The following DSP variants were observed in gnomAD, a reference collection of about 807,000 sequenced individuals.
The protein encoded by DSP is desmoplakin.
Under a neutral mutation model 290.6 loss-of-function variants are expected in DSP, and 114 were observed. That is an observed-to-expected ratio of 0.39 (90% CI 0.34 to 0.46). The LOEUF (loss-of-function observed/expected upper bound fraction) is 0.46. DSP is among the 20% of genes least tolerant of loss of function. The probability of loss-of-function intolerance (pLI) is 0.99; values close to 1 mark genes in which losing one functional copy is unlikely to be tolerated. For synonymous variants in DSP, 1,311 were observed against 1,316.4 expected, an observed-to-expected ratio of 1.00 and a Z score of 0.09; for missense variants, 3,230 against 3,495.8, an observed-to-expected ratio of 0.92 and a Z score of 1.92.
rs1759652776 is a variant in DSP, at chr6:7,585,809, C to T, written c.8547C>T (p.Ser2849=). The part of the protein sequence containing the change: ...SGSRSGSRRG[S]FDATGNSSYS... ...CCCGCAGTGGGTCCCGGAGAGGAAG[C>T]TTTGACGCCACAGGGAATTCTTCCT... is the stretch of plus-strand genomic sequence containing the variant. The change falls in exon 24 of 24, where the codon AGC becomes AGT. Residue 2849 remains serine, a synonymous_variant. Transcript: ENST00000379802. 3 of 1,611,098 alleles carry T rather than the reference C, an allele frequency of 1.9e-6. No homozygotes were observed. The highest frequency in any genetic ancestry group is 2.2e-5 in the East Asian group (1 of 44,886).
chr6:7,583,804 T>C lies in DSP; in HGVS notation c.6542T>C (p.Val2181Ala), dbSNP rs730880088. ...NFVDPVTKKK[V>A]SYVQLKERCR... The stretch of plus-strand genomic sequence containing the variant: ...GTGGATCCAGTCACCAAAAAGAAGG[T>C]CAGTTACGTGCAGCTGAAGGAACGG... The change falls in exon 24 of 24, where the codon GTC becomes GCC. Residue 2181 changes from valine (V) to alanine (A), a missense_variant. By Grantham distance (64) the Val-to-Ala change is moderately conservative. Transcript: ENST00000379802. The surrounding 1 kb of genome is among the most constrained non-coding windows in gnomAD (Gnocchi z 4.0). 15 of 1,613,714 alleles carry C rather than the reference T, an allele frequency of 9.3e-6. No homozygotes were observed. The highest frequency in any genetic ancestry group is 1.7e-5 in the Admixed American group (1 of 59,976).
At position 7,585,899 on chromosome 6, in the gene DSP, C is replaced by G. The variant is rs750563075; in HGVS notation, c.*21C>G. The G allele has an allele frequency of 2.5e-6, 4 of 1,607,248 alleles. No individual in the cohort carries two copies. In the South Asian group the frequency reaches 3.3e-5, roughly 13 times the overall value. ...ACTAGTAGTCAGTTGGGAGTGGTTGCTATACCTTGACTTCATTTATATGAA... is the reference window on the plus strand; with the variant it reads ...ACTAGTAGTCAGTTGGGAGTGGTTGGTATACCTTGACTTCATTTATATGAA... On this transcript the variant is annotated 3_prime_UTR_variant, in exon 24 of 24. Transcript: ENST00000379802.
At position 7,565,092 on chromosome 6, in the gene DSP, C is replaced by T. The variant is rs946073743; in HGVS notation, c.778-267C>T. On this transcript the variant is annotated intron_variant, in intron 6 of 23. Coordinates refer to ENST00000379802, the MANE Select transcript of DSP (RefSeq NM_004415.4). The surrounding 1 kb of genome is among the most constrained non-coding windows in gnomAD (Gnocchi z 4.2). ...CCGGGAGGGGGAGGTTGCAGTGAAC[C>T]GAGATCGCTCATGCCACTGCACTCC... Among the ~76,000 whole-genome samples, 1 of 151,944 alleles carries T rather than the reference C, an allele frequency of 6.6e-6. No homozygotes were observed. Among genetic ancestry groups the T allele is most frequent in the Non-Finnish European group, 1.5e-5 (1 of 67,980 alleles).
chr6:7,558,980 C>G (rs751080786), intron 3 of DSP, among the ~76,000 whole-genome samples: 16 of 152,098 alleles, frequency 1.1e-4, no homozygotes, highest in Admixed American at 1.0e-3. Flanking sequence ...GAAAGTTGCT[C>G]CCAGGTTAGG....
At chr6:7,561,243 C>T (rs1223889134) in intron 4 of DSP, among the ~76,000 whole-genome samples, 1 of 152,184 alleles carries the variant, frequency 6.6e-6, no homozygotes, top group Non-Finnish European at 1.5e-5. Context: ...TGAGCCACCA[C>T]GCCCAGCCAG....
intron 17 of DSP, 114 bp downstream of exon 17, chr6:7,574,909 G>T (rs1759188458): frequency 7.0e-7 from 1 of 1,418,834 alleles, no homozygotes; most frequent in Admixed American, 1.7e-5. Context: ...TTGGGTTTCA[G>T]TGGCCACACA....
At chr6:7,566,249 A>C (rs1398686777) in intron 7 of DSP, 128 bp from the exon 8 acceptor site, 2 of 773,760 alleles carry the variant, frequency 2.6e-6, no homozygotes, top group Non-Finnish European at 4.5e-6. Context: ...TGAGGAAAAC[A>C]GCGTGATTCT....
intron 1 of DSP, among the ~76,000 whole-genome samples, chr6:7,547,750 A>G (rs1228122618): frequency 6.6e-6 from 1 of 151,936 alleles, no homozygotes; most frequent in Non-Finnish European, 1.5e-5. Context: ...GAATTTTCTT[A>G]CCCTCAATAA....
rs374964667 is a variant in DSP, at chr6:7,576,932, T to C, written c.2794-27T>C. 16 of 1,584,160 alleles carry C rather than the reference T, an allele frequency of 1.0e-5. No homozygotes were observed. In the African/African-American group the frequency reaches 2.0e-4, roughly 20 times the overall value. On this transcript the variant is annotated intron_variant, in intron 19 of 23. Transcript: ENST00000379802. ...TTAAAAATATTTGTATGCATTAACATTGGTAAATATTTCACTTTTTGTATA... is the reference window on the plus strand; with the variant it reads ...TTAAAAATATTTGTATGCATTAACACTGGTAAATATTTCACTTTTTGTATA...
chr6:7,550,402 T>A (rs1373481688), intron 1 of DSP, among the ~76,000 whole-genome samples: 1 of 152,192 alleles, frequency 6.6e-6, no homozygotes, highest in East Asian at 1.9e-4. Context: ...CATGTAAAGC[T>A]AATGCCTTAG....
In DSP at chr6:7,583,488, G is replaced by A; in HGVS notation, c.6226G>A (p.Asp2076Asn). The A allele has an allele frequency of 6.2e-7, 1 of 1,614,140 alleles. No homozygotes were observed. Among genetic ancestry groups the A allele is most frequent in the Admixed American group, 1.7e-5 (1 of 60,026 alleles). ...GACTGTCGACAGTGCCATAGCTCGG[G>A]ACCTCATTGACTTCGATGACCGTCA... ...KLTVDSAIAR[D>N]LIDFDDRQQI... The change falls in exon 24 of 24, where the codon GAC (aspartate) becomes AAC (asparagine). Residue 2076 changes from aspartate (D) to asparagine (N), a missense_variant. Asp to Asn is a conservative substitution (Grantham distance 23). Around this residue, in one of 5 missense-constraint regions of DSP, gnomAD observed 1,714 missense variants for 1,844.5 expected, o/e 0.93. Transcript: ENST00000379802. This position sits in a 1 kb window ranked among gnomAD's most constrained non-coding sequence, Gnocchi z 4.0.
intron 2 of DSP, among the ~76,000 whole-genome samples, chr6:7,556,441 T>G (rs571732265): frequency 2.7e-4 from 41 of 152,202 alleles, no homozygotes; most frequent in Non-Finnish European, 4.6e-4. Context: ...CATTCACCTT[T>G]GCTCCGAGTT....
chr6:7,573,692 T>A (rs955712435), intron 15 of DSP, among the ~76,000 whole-genome samples: 3 of 152,100 alleles, frequency 2.0e-5, no homozygotes, highest in African/African-American at 4.8e-5. Context: ...ATTTCACTTA[T>A]GTGTAAATTC....
chr6:7,583,797 AAG>A lies in DSP; in HGVS notation c.6537_6538del (p.Lys2180GlyfsTer41). 1 of 1,614,090 alleles carries A rather than the reference AAG, an allele frequency of 6.2e-7. No homozygotes were observed. ...QKNFVDPVTK[K>X]KVSYVQLKER... ...AAACTTTGTGGATCCAGTCACCAAA[AAG>A]AAGGTCAGTTACGTGCAGCTGAAGG... On this transcript the variant is annotated frameshift_variant, in exon 24 of 24. Coordinates refer to ENST00000379802, the MANE Select transcript of DSP (RefSeq NM_004415.4). LOFTEE classifies it high-confidence loss of function. This position sits in a 1 kb window ranked among gnomAD's most constrained non-coding sequence, Gnocchi z 4.0.
At chr6:7,548,795 C>G (rs1199236401) in intron 1 of DSP, among the ~76,000 whole-genome samples, 1 of 152,160 alleles carries the variant, frequency 6.6e-6, no homozygotes. Context: ...TCTGGTTGAG[C>G]TTTTGAAATC....
chr6:7,579,541 G>T lies in DSP; in HGVS notation c.3351G>T (p.Glu1117Asp). The change falls in exon 23 of 24, where the codon GAG (glutamate) becomes GAT (aspartate). Residue 1117 changes from glutamate (E) to aspartate (D), a missense_variant. This residue lies in a region of DSP where 1,714 missense variants were observed against 1,844.5 expected (regional missense o/e 0.93). Transcript: ENST00000379802. This position sits in a 1 kb window ranked among gnomAD's most constrained non-coding sequence, Gnocchi z 4.1. ...LNEKITRLTY[E>D]IEDEKRRRKS... ...AGAAGATCACCCGACTGACTTATGAGATTGAAGATGAAAAGAGAAGAAGAA... is the reference window on the plus strand; with the variant it reads ...AGAAGATCACCCGACTGACTTATGATATTGAAGATGAAAAGAGAAGAAGAA... 2 of 1,613,930 alleles carry T rather than the reference G, an allele frequency of 1.2e-6. No individual in the cohort carries two copies. The highest frequency in any genetic ancestry group is 1.7e-6 in the Non-Finnish European group (2 of 1,180,024).
intron 20 of DSP, among the ~76,000 whole-genome samples, chr6:7,577,510 T>C (rs1461157815): frequency 6.6e-6 from 1 of 152,166 alleles, no homozygotes; most frequent in Non-Finnish European, 1.5e-5. Flanking sequence ...ATATTTTTAG[T>C]AGAGACAGGG....
chr6:7,562,690 C>G lies in DSP; in HGVS notation c.636C>G (p.Ala212=). The change falls in exon 5 of 24, where the codon GCC becomes GCG. Residue 212 remains alanine, a synonymous_variant. Coordinates refer to ENST00000379802, the MANE Select transcript of DSP (RefSeq NM_004415.4). The part of the protein sequence containing the change: ...MDMVAWGVDL[A]SVEQHINSHR... ...TGGTGGCCTGGGGTGTGGACCTGGC[C>G]TCAGTGGAGCAGCACATTAACAGCC... 6.2e-7 allele frequency: 1 copy of G among 1,614,076 alleles called. No homozygotes were observed. Among genetic ancestry groups the G allele is most frequent in the Non-Finnish European group, 8.5e-7 (1 of 1,180,010 alleles).
chr6:7,580,543 G>A lies in DSP; in HGVS notation c.4353G>A (p.Leu1451=). The A allele has an allele frequency of 6.2e-7, 1 of 1,614,146 alleles. No homozygotes were observed. The highest frequency in any genetic ancestry group is 8.5e-7 in the Non-Finnish European group (1 of 1,180,022). ...GGAAACAGCAGCTGGAGGTTGAGCT[G>A]AGACAAGTCACTCAGATGCGAACAG... The part of the protein sequence containing the change: ...SQRKQQLEVE[L]RQVTQMRTEE... Residue 1451 remains leucine (L), a synonymous_variant, in exon 23 of 24, where the codon CTG becomes CTA. Coordinates refer to ENST00000379802, the MANE Select transcript of DSP (RefSeq NM_004415.4). This position sits in a 1 kb window ranked among gnomAD's most constrained non-coding sequence, Gnocchi z 4.2.
Sources: gnomAD v4.1 joint callset for allele counts (sites outside exome capture counted in the v4.1 genomes callset) on GRCh38, gnomAD v4.1.1 for gene constraint, gnomAD v4.1.1 regional missense constraint, Gnocchi (gnomAD v3.1) non-coding constraint, MANE v1.5 for transcripts, NCBI Gene and HGNC (gene_info 2026-07-23, HGNC 2026-07-21) for gene names.